KAT7: variants seen among roughly 807,000 people sequenced by gnomAD.
KAT7 encodes lysine acetyltransferase 7.
In KAT7, 10 loss-of-function variants were observed where a neutral mutation model predicts 82.1. That is an observed-to-expected ratio of 0.12 (90% confidence interval 0.08 to 0.21). The LOEUF (loss-of-function observed/expected upper bound fraction) is 0.21. Ranked by LOEUF, KAT7 falls within the 10% of genes least tolerant of loss-of-function variation. The pLI is 1.00. For missense variants in KAT7, 378 were observed against 760.9 expected (o/e 0.50, Z 5.92); for synonymous variants, 250 against 262.5 (o/e 0.95, Z 0.46).
chr17:49,820,661 C>T (rs1250117286), intron 9 of KAT7, among the ~76,000 whole-genome samples: 1 of 151,714 alleles, frequency 6.6e-6, no homozygotes, highest in Non-Finnish European at 1.5e-5. Context: ...AAACAGTAAG[C>T]ACTTGAGGGT....
At position 49,821,352 on chromosome 17, in the gene KAT7, A is replaced by C. The variant is rs1228524980; in HGVS notation, c.1171A>C (p.Lys391Gln). ...TGTCTTGCAGGCCAAATGTGTGTGGAAACACCCACCTGGTGATGAGATATA... is the reference window on the plus strand; with the variant it reads ...TGTCTTGCAGGCCAAATGTGTGTGGCAACACCCACCTGGTGATGAGATATA... Reference protein sequence around the residue: ...LRRHMAKCVWKHPPGDEIYRK... With the variant: ...LRRHMAKCVWQHPPGDEIYRK... The change falls in exon 10 of 15, where the codon AAA becomes CAA. Residue 391 changes from lysine (K) to glutamine (Q), a missense_variant. Physicochemically the swap from Lys to Gln is moderately conservative, Grantham distance 53. Transcript: ENST00000259021. The C allele has an allele frequency of 8.7e-6, 14 of 1,613,562 alleles. No homozygotes were observed. The highest frequency in any genetic ancestry group is 1.7e-6 in the Non-Finnish European group (2 of 1,179,826).
At chr17:49,822,110 C>G (rs960965355) in intron 11 of KAT7, among the ~76,000 whole-genome samples, 5 of 152,160 alleles carry the variant, frequency 3.3e-5, no homozygotes, top group African/African-American at 4.8e-5. Context: ...CTTTGCCTGC[C>G]TCTATGTTAT....
chr17:49,816,028 T>G, intron 8 of KAT7, 115 bp downstream of exon 8: 3 of 631,264 alleles, frequency 4.8e-6, no homozygotes, highest in South Asian at 2.0e-5. Flanking sequence ...TTCTGGAATC[T>G]CTTTCCCTGT....
Position 49,817,817 on chromosome 17 carries a change from T to C in KAT7, c.964-3T>C. On this transcript the variant is annotated splice_polypyrimidine_tract_variant and splice_region_variant and intron_variant, in intron 8 of 14. Coordinates refer to ENST00000259021, the MANE Select transcript of KAT7 (RefSeq NM_007067.5). ...CCTTTGACTTTTGATTTCTTGGCAA[T>C]AGGAGAAGTTAAGGCTGCAAGGCCA... 6.2e-7 allele frequency: 1 copy of C among 1,610,554 alleles called. No homozygotes were observed. The highest frequency in any genetic ancestry group is 1.3e-5 in the African/African-American group (1 of 74,882).
At chr17:49,799,042 TG>T (rs1475910485) in intron 4 of KAT7, among the ~76,000 whole-genome samples, 1 of 152,230 alleles carries the variant, frequency 6.6e-6, no homozygotes, top group East Asian at 1.9e-4. Flanking sequence ...TTAGGTTCCT[TG>T]CTTTGTGTAC....
In KAT7 at chr17:49,831,418, T is replaced by A. The variant is rs2074423973; in HGVS notation, c.*3916T>A. The A allele has an allele frequency of 6.6e-6, 1 of 152,252 alleles. No individual in the cohort carries two copies. The highest frequency in any genetic ancestry group is 1.5e-5 in the Non-Finnish European group (1 of 68,052). 9.4% of individuals were successfully genotyped at this position (152,252 alleles called of 1,614,324 possible). A position where few individuals can be genotyped will look rare whatever the true frequency, so the allele number is the denominator to read the frequency against. On this transcript the variant is annotated 3_prime_UTR_variant, in exon 15 of 15. Coordinates refer to ENST00000259021, the MANE Select transcript of KAT7 (RefSeq NM_007067.5). ...TAGGAATAAACTGTTCAGTAAGCAC[T>A]GTCCCTTTACTTCCATGGTTTTCTT... is the stretch of plus-strand genomic sequence containing the variant.
chr17:49,823,324 C>T, intron 12 of KAT7, 29 bp downstream of exon 12: 1 of 1,171,672 alleles, frequency 8.5e-7, no homozygotes, highest in South Asian at 1.2e-5. Flanking sequence ...TCATTAGTTC[C>T]ACAAGGCAGG....
chr17:49,810,238 A>G (rs1181767719), intron 6 of KAT7, among the ~76,000 whole-genome samples: 2 of 152,074 alleles, frequency 1.3e-5, no homozygotes, highest in Non-Finnish European at 2.9e-5. Flanking sequence ...TTCGTTGTCT[A>G]TCTTAGGTTT....
At chr17:49,792,062 C>T in intron 2 of KAT7, 29 bp downstream of exon 2, 1 of 1,604,764 alleles carries the variant, frequency 6.2e-7, no homozygotes, top group Non-Finnish European at 8.5e-7. Context: ...TTCCTTACCA[C>T]TCCTCACATC....
In KAT7 at chr17:49,823,310, T is replaced by C. The variant is rs764734941; in HGVS notation, c.1480+15T>C. Reference sequence around the variant, plus strand: ...TATTGATTTCAGTAAGTGAAACTGCTAAGTCATTAGTTCCACAAGGCAGGG... The same window carrying C: ...TATTGATTTCAGTAAGTGAAACTGCCAAGTCATTAGTTCCACAAGGCAGGG... On this transcript the variant is annotated intron_variant, in intron 12 of 14. Transcript: ENST00000259021. 17 of 1,374,500 alleles carry C rather than the reference T, an allele frequency of 1.2e-5. No individual in the cohort carries two copies. Among genetic ancestry groups the C allele is most frequent in the Admixed American group, 1.7e-5 (1 of 59,644 alleles). The allele number at this position is 1,374,500 out of a possible 1,614,324, so 85.1% of individuals were successfully genotyped here.
At chr17:49,800,659 G>A (rs1413432431) in intron 4 of KAT7, among the ~76,000 whole-genome samples, 1 of 152,124 alleles carries the variant, frequency 6.6e-6, no homozygotes, top group Non-Finnish European at 1.5e-5. Context: ...TATTGGTCAT[G>A]TGCCAGATAC....
rs1002201517 is a variant in KAT7, at chr17:49,829,135, T to G, written c.*1633T>G. ...GGGGGCTCTCATTTATATATGAAAA[T>G]GATGCACACGATCTGCTACTAATAG... is the stretch of plus-strand genomic sequence containing the variant. On this transcript the variant is annotated 3_prime_UTR_variant, in exon 15 of 15. Transcript: ENST00000259021. 1 of 152,448 alleles carries G rather than the reference T, an allele frequency of 6.6e-6. No individual in the cohort carries two copies. Among genetic ancestry groups the G allele is most frequent in the African/African-American group, 2.4e-5 (1 of 41,434 alleles). The allele number at this position is 152,448 out of a possible 1,614,324, so 9.4% of individuals were successfully genotyped here.
chr17:49,802,450 C>A (rs2074036173), intron 4 of KAT7, among the ~76,000 whole-genome samples: 1 of 152,102 alleles, frequency 6.6e-6, no homozygotes, highest in South Asian at 2.1e-4. Flanking sequence ...GGCAGATCAC[C>A]TGAGGTCAGG....
chr17:49,806,151 A>C (rs755114811), intron 5 of KAT7, among the ~76,000 whole-genome samples: 2 of 152,228 alleles, frequency 1.3e-5, no homozygotes, highest in Non-Finnish European at 2.9e-5. Flanking sequence ...TAAGCTGGTT[A>C]GACCAAAGTA....
intron 12 of KAT7, chr17:49,823,570 C>T (rs2074332062): frequency 6.0e-6 from 2 of 332,172 alleles, no homozygotes; most frequent in Admixed American, 4.6e-5. Flanking sequence ...GACTTTTAAA[C>T]AGCACATACA....
chr17:49,800,338 G>T (rs894847888), intron 4 of KAT7, among the ~76,000 whole-genome samples: 1 of 152,112 alleles, frequency 6.6e-6, no homozygotes, highest in African/African-American at 2.4e-5. Flanking sequence ...CAGTTTCTCA[G>T]ATAATTTCAA....
intron 1 of KAT7, among the ~76,000 whole-genome samples, chr17:49,791,460 C>G (rs2073888023): frequency 6.6e-6 from 1 of 152,150 alleles, no homozygotes; most frequent in Non-Finnish European, 1.5e-5. Flanking sequence ...GTGTTCAAGA[C>G]CAGCCTGGCC....
rs538700960 is a variant in KAT7 at position 49,825,852 on chromosome 17, A to T, written c.1481-148A>T. 4.1e-6 allele frequency: 3 copies of T among 732,118 alleles called. No homozygotes were observed. In the African/African-American group the frequency reaches 5.3e-5, roughly 13 times the overall value. The allele number at this position is 732,118 out of a possible 1,614,324, so 45.4% of individuals were successfully genotyped here. ...TGTTTATACAAAGGCAGTATACTAT[A>T]GTTAACCACACAGTATTCCATTGAA... On this transcript the variant is annotated intron_variant, in intron 12 of 14. Coordinates refer to ENST00000259021, the MANE Select transcript of KAT7 (RefSeq NM_007067.5).
At position 49,809,157 on chromosome 17, in the gene KAT7, G is replaced by A; in HGVS notation, c.702G>A (p.Arg234=). The A allele has an allele frequency of 6.2e-7, 1 of 1,614,160 alleles. No homozygotes were observed. Among genetic ancestry groups the A allele is most frequent in the Non-Finnish European group, 8.5e-7 (1 of 1,180,012 alleles). Reference sequence around the variant, plus strand: ...GCCGGGATAAGCAGATAGAAGAAAGGATGCTGTCTCACAGGCAAGATGACA... The same window carrying A: ...GCCGGGATAAGCAGATAGAAGAAAGAATGCTGTCTCACAGGCAAGATGACA... The part of the protein sequence containing the change: ...AQSRDKQIEE[R]MLSHRQDDNN... The change falls in exon 6 of 15, where the codon AGG becomes AGA. Residue 234 remains arginine, a synonymous_variant. Transcript: ENST00000259021.
Sources: allele counts gnomAD v4.1 joint callset (sites outside exome capture counted in the v4.1 genomes callset), GRCh38; gene constraint gnomAD v4.1.1; transcripts MANE v1.5; gene names NCBI Gene and HGNC (gene_info 2026-07-23, HGNC 2026-07-21).